CELF1: variants seen among roughly 807,000 people sequenced by gnomAD.
The protein encoded by CELF1 is 50 kDa nuclear polyadenylated RNA-binding protein.
A neutral mutation model predicts 61.8 loss-of-function variants in CELF1; 10 were observed. That is an observed-to-expected ratio of 0.16 (90% confidence interval 0.10 to 0.27). CELF1 has a LOEUF of 0.27. Among genes scored for constraint, CELF1 ranks in the 10% least tolerant of loss-of-function variants. The pLI is 1.00. For missense variants in CELF1, 380 were observed against 639.1 expected, an observed-to-expected ratio of 0.59 and a Z score of 4.37; for synonymous variants, 236 against 225.1, an observed-to-expected ratio of 1.05 and a Z score of -0.43.
chr11:47,548,183 C>T (rs550085841), intron 1 of CELF1, among the ~76,000 whole-genome samples: 1 of 152,080 alleles, frequency 6.6e-6, no homozygotes, highest in South Asian at 2.1e-4. Flanking sequence ...CCTGTAATCC[C>T]AGCTACTCGG....
chr11:47,541,755 AACG>A (rs1565904649), intron 1 of CELF1, among the ~76,000 whole-genome samples: 253 of 9,414 alleles, frequency 0.027, 12 homozygotes, highest in African/African-American at 0.06. Flanking sequence ...AGAAAGAAAG[AACG>A]AAAGAAAGAA....
chr11:47,562,380 G>A (rs758067882), intron 2 of CELF1, among the ~76,000 whole-genome samples: 6 of 151,392 alleles, frequency 4.0e-5, no homozygotes, highest in Admixed American at 6.6e-5. Flanking sequence ...ACAAAAATTC[G>A]CCACCAGGTG....
intron 1 of CELF1, among the ~76,000 whole-genome samples, chr11:47,545,337 C>T (rs576679873): frequency 8.5e-4 from 129 of 152,068 alleles, no homozygotes; most frequent in African/African-American, 2.7e-3. Flanking sequence ...GGCTGAGGCA[C>T]GAGAATTGCT....
intron 9 of CELF1, chr11:47,482,442 G>C (rs529114979): frequency 1.0e-5 from 3 of 297,320 alleles, no homozygotes; most frequent in African/African-American, 6.5e-5. Context: ...TCTTTAAAAC[G>C]GGAAACCAGG....
chr11:47,503,430 G>C (rs972213509), intron 1 of CELF1, among the ~76,000 whole-genome samples: 1 of 152,168 alleles, frequency 6.6e-6, no homozygotes, highest in Non-Finnish European at 1.5e-5. Flanking sequence ...ATCTAAGTAT[G>C]TTTGAAAGGG....
chr11:47,545,470 A>G (rs184935649), intron 1 of CELF1, among the ~76,000 whole-genome samples: 1 of 152,070 alleles, frequency 6.6e-6, no homozygotes, highest in East Asian at 1.9e-4. Flanking sequence ...CAGAACCATA[A>G]AGTCTCCAAT....
At chr11:47,551,672 G>A (rs763629482) in intron 1 of CELF1, among the ~76,000 whole-genome samples, 36 of 152,220 alleles carry the variant, frequency 2.4e-4, no homozygotes, top group Non-Finnish European at 5.0e-4. Flanking sequence ...TCCAATTAAA[G>A]CCTTCCCAAT....
Position 47,541,686 on chromosome 11 carries a change from C to CAAAG in CELF1, c.-154+11302_-154+11305dup, listed in dbSNP as rs1555190315. On this transcript the variant is annotated intron_variant, in intron 1 of 14. Transcript: ENST00000687097. ...GAGCCTGGTGACAGGGCGAGACTGTCAAAGAAAGAAAGAAAGAAAGAAAGA... is the reference window on the plus strand; with the variant it reads ...GAGCCTGGTGACAGGGCGAGACTGTCAAAGAAAGAAAGAAAGAAAGAAAGAAAGA... 2.7e-3 allele frequency among the ~76,000 whole-genome samples: 32 copies of CAAAG among 11,692 alleles called. 2 individuals carry two copies. The highest frequency in any genetic ancestry group is 4.0e-3 in the African/African-American group (31 of 7,758). 7.7% of individuals were successfully genotyped at this position (11,692 alleles called of 152,430 possible).
At chr11:47,489,300 A>G (rs746467915) in intron 3 of CELF1, among the ~76,000 whole-genome samples, 8 of 152,184 alleles carry the variant, frequency 5.3e-5, no homozygotes, top group Non-Finnish European at 1.2e-4. Flanking sequence ...CATGAGAATT[A>G]CCATGCTAGA....
At chr11:47,483,202 C>A (rs1596355014) in intron 8 of CELF1, among the ~76,000 whole-genome samples, 1 of 152,152 alleles carries the variant, frequency 6.6e-6, no homozygotes, top group East Asian at 1.9e-4. Context: ...GTGGTTGGGG[C>A]TGCAGTGAGC....
At chr11:47,515,277 G>A (rs2095493222) in intron 1 of CELF1, among the ~76,000 whole-genome samples, 1 of 152,214 alleles carries the variant, frequency 6.6e-6, no homozygotes, top group Admixed American at 6.5e-5. Flanking sequence ...GGGAGGTGGA[G>A]GGAGTGGGAG....
At chr11:47,503,122 T>A (rs2094131708) in intron 1 of CELF1, among the ~76,000 whole-genome samples, 1 of 152,212 alleles carries the variant, frequency 6.6e-6, no homozygotes, top group Non-Finnish European at 1.5e-5. Context: ...CAGCCTGCTG[T>A]AACATTAAGA....
intron 3 of CELF1, among the ~76,000 whole-genome samples, chr11:47,496,817 G>A (rs1032329043): frequency 1.3e-5 from 2 of 152,160 alleles, no homozygotes; most frequent in African/African-American, 2.4e-5. Context: ...AGAATAAAGA[G>A]GTAGGTCAGA....
At chr11:47,473,788 T>C (rs771449662) in intron 13 of CELF1, among the ~76,000 whole-genome samples, 6 of 152,226 alleles carry the variant, frequency 3.9e-5, no homozygotes, top group African/African-American at 9.6e-5. Flanking sequence ...GTGAGTTTCA[T>C]CATATGTAAA....
intron 1 of CELF1, among the ~76,000 whole-genome samples, chr11:47,521,578 C>A (rs2095887393): frequency 6.6e-6 from 1 of 152,208 alleles, no homozygotes; most frequent in African/African-American, 2.4e-5. Flanking sequence ...AATGGTTACA[C>A]AAACAGTATC....
intron 2 of CELF1, among the ~76,000 whole-genome samples, chr11:47,559,364 CTT>C (rs112399460): frequency 2.2e-5 from 3 of 138,756 alleles, no homozygotes; most frequent in Admixed American, 7.3e-5. Context: ...TTCGCCTGGC[CTT>C]TTTTTTTTTT....
At chr11:47,478,320 T>C (rs2081192496) in intron 10 of CELF1, among the ~76,000 whole-genome samples, 1 of 152,226 alleles carries the variant, frequency 6.6e-6, no homozygotes, top group African/African-American at 2.4e-5. Flanking sequence ...AGCTGTCCCA[T>C]GCCCTACCCC....
chr11:47,490,379 T>C (rs941736070), intron 3 of CELF1, among the ~76,000 whole-genome samples: 33 of 151,816 alleles, frequency 2.2e-4, no homozygotes, highest in Admixed American at 2.0e-4. Flanking sequence ...AAAAATCATA[T>C]ACAAAAATTG....
intron 1 of CELF1, among the ~76,000 whole-genome samples, chr11:47,509,081 A>G (rs2094822771): frequency 6.6e-6 from 1 of 152,088 alleles, no homozygotes; most frequent in Non-Finnish European, 1.5e-5. Context: ...CAAAAAAGTT[A>G]TATTTTTTTA....
Sources: gnomAD v4.1 joint callset for allele counts (sites outside exome capture counted in the v4.1 genomes callset) on GRCh38, gnomAD v4.1.1 for gene constraint, MANE v1.5 for transcripts, NCBI Gene and HGNC (gene_info 2026-07-23, HGNC 2026-07-21) for gene names.